The following PARD3B variants were observed in gnomAD, a reference collection of about 807,000 sequenced individuals.
The protein encoded by PARD3B is partitioning defective 3 homolog B.
PARD3B carries 103 observed loss-of-function variants against 130.2 expected under a neutral mutation model. The observed-to-expected ratio is 0.79, with a 90% CI of 0.67 to 0.93. The LOEUF is 0.93. PARD3B is among the 40% of genes least tolerant of loss of function. The pLI is 0.00. For missense variants in PARD3B, 1,609 were observed against 1,499.2 expected (o/e 1.07, Z -1.21); for synonymous variants, 583 against 553.2 (o/e 1.05, Z -0.76).
At chr2:205,017,181 G>A (rs756012889) in intron 3 of PARD3B, among the ~76,000 whole-genome samples, 1 of 152,114 alleles carries the variant, frequency 6.6e-6, no homozygotes, top group Non-Finnish European at 1.5e-5. Context: ...TGTCTGGCCT[G>A]TAGATATGTA....
intron 1 of PARD3B, among the ~76,000 whole-genome samples, chr2:204,650,200 A>G (rs758252486): frequency 1.3e-5 from 2 of 152,194 alleles, no homozygotes; most frequent in Admixed American, 6.5e-5. Context: ...CCACAATGAG[A>G]TACCACCTCA....
intron 1 of PARD3B, among the ~76,000 whole-genome samples, chr2:204,601,466 T>C (rs2125105660): frequency 6.6e-6 from 1 of 152,148 alleles, no homozygotes; most frequent in Admixed American, 6.5e-5. Flanking sequence ...TTAGAATTCC[T>C]CATCAAATTT....
intron 2 of PARD3B, among the ~76,000 whole-genome samples, chr2:204,850,555 C>T (rs2044666647): frequency 6.6e-6 from 1 of 151,372 alleles, no homozygotes; most frequent in African/African-American, 2.4e-5. Context: ...ATGTAAAAGG[C>T]AGAGGCAGTT....
In PARD3B at chr2:205,585,360, T is replaced by C. The variant is rs1027505126; in HGVS notation, c.3261-30096T>C. ...CCACCCTGCTGGGGCTGGCTGTTTA[T>C]AATGGCTAAAAATGATGGAGTGTGA... On this transcript the variant is annotated intron_variant, in intron 22 of 22. Transcript: ENST00000406610. The surrounding 1 kb of genome is among the most constrained non-coding windows in gnomAD (Gnocchi z 5.4). Among the ~76,000 whole-genome samples the C allele has an allele frequency of 1.3e-5, 2 of 152,186 alleles. No homozygotes were observed. The highest frequency in any genetic ancestry group is 2.9e-5 in the Non-Finnish European group (2 of 68,032).
chr2:205,125,252 A>G lies in PARD3B; in HGVS notation c.1306-357A>G, dbSNP rs913445563. Among the ~76,000 whole-genome samples, 3 of 152,220 alleles carry G rather than the reference A, an allele frequency of 2.0e-5. No individual in the cohort carries two copies. The highest frequency in any genetic ancestry group is 1.5e-5 in the Non-Finnish European group (1 of 68,038). ...TTGCAGAGAAATTTGCCTTGTGATC[A>G]TGGTTCACTCTGCTTGTTGAATTAG... On this transcript the variant is annotated intron_variant, in intron 9 of 22. Transcript: ENST00000406610. This position sits in a 1 kb window ranked among gnomAD's most constrained non-coding sequence, Gnocchi z 4.0.
intron 4 of PARD3B, among the ~76,000 whole-genome samples, chr2:205,069,992 C>T (rs1272515083): frequency 1.3e-5 from 2 of 152,168 alleles, no homozygotes; most frequent in Non-Finnish European, 2.9e-5. Context: ...ATACCCCACC[C>T]TTGGCATGTT....
chr2:205,406,942 T>G (rs1175321244), intron 19 of PARD3B, among the ~76,000 whole-genome samples: 2 of 152,200 alleles, frequency 1.3e-5, no homozygotes, highest in Non-Finnish European at 2.9e-5. Context: ...GTGCTGGGAT[T>G]ACAGGCATAA....
At chr2:204,877,693 A>G (rs1306410935) in intron 2 of PARD3B, among the ~76,000 whole-genome samples, 1 of 152,138 alleles carries the variant, frequency 6.6e-6, no homozygotes, top group African/African-American at 2.4e-5. Flanking sequence ...ACAGGAAAAC[A>G]CTGGTAATTT....
intron 1 of PARD3B, among the ~76,000 whole-genome samples, chr2:204,590,539 G>A (rs2033031240): frequency 6.6e-6 from 1 of 152,170 alleles, no homozygotes; most frequent in South Asian, 2.1e-4. Flanking sequence ...TGGGCATATG[G>A]CAAGTGAGAT....
chr2:205,177,902 A>C (rs1377194778), intron 13 of PARD3B, among the ~76,000 whole-genome samples: 1 of 152,136 alleles, frequency 6.6e-6, no homozygotes, highest in East Asian at 1.9e-4. Context: ...TCTGGATTCA[A>C]TTCCTGTCTC....
At chr2:205,453,446 A>C (rs2048170997) in intron 20 of PARD3B, among the ~76,000 whole-genome samples, 1 of 152,186 alleles carries the variant, frequency 6.6e-6, no homozygotes, top group African/African-American at 2.4e-5. Context: ...AGCCCAAGGC[A>C]ATGGGGAACG....
At chr2:205,088,844 A>G (rs1474196942) in intron 4 of PARD3B, among the ~76,000 whole-genome samples, 7 of 148,590 alleles carry the variant, frequency 4.7e-5, no homozygotes, top group African/African-American at 1.7e-4. Flanking sequence ...GTCAGGCTGG[A>G]GTGTAGTGGC....
At chr2:204,948,371 A>T (rs919945787) in intron 2 of PARD3B, among the ~76,000 whole-genome samples, 1 of 152,232 alleles carries the variant, frequency 6.6e-6, no homozygotes, top group South Asian at 2.1e-4. Context: ...TTTTCTCCCC[A>T]TAAGCTAGAA....
intron 2 of PARD3B, among the ~76,000 whole-genome samples, chr2:204,964,388 G>GA (rs1691031742): frequency 6.6e-6 from 1 of 151,954 alleles, no homozygotes; most frequent in South Asian, 2.1e-4. Context: ...TTATTTTAAG[G>GA]AAAAAATGAC....
intron 4 of PARD3B, among the ~76,000 whole-genome samples, chr2:205,066,846 A>T (rs1700410652): frequency 6.6e-6 from 1 of 152,074 alleles, no homozygotes; most frequent in Non-Finnish European, 1.5e-5. Context: ...TCATCTAAGT[A>T]ACTTTTATTT....
intron 22 of PARD3B, among the ~76,000 whole-genome samples, chr2:205,566,379 G>GTGA (rs1484755861): frequency 6.6e-6 from 1 of 152,162 alleles, no homozygotes; most frequent in Non-Finnish European, 1.5e-5. Context: ...ATGTACCAGG[G>GTGA]TGATGGTGAT....
At chr2:205,238,219 T>G (rs1410535931) in intron 15 of PARD3B, among the ~76,000 whole-genome samples, 2 of 152,206 alleles carry the variant, frequency 1.3e-5, no homozygotes, top group Non-Finnish European at 2.9e-5. Context: ...AACAGACCCG[T>G]GCACAAATAA....
rs1440262629 is a variant in PARD3B at position 204,887,427 on chromosome 2, C to G, written c.223-77725C>G. Among the ~76,000 whole-genome samples the G allele has an allele frequency of 6.6e-6, 1 of 152,162 alleles. No individual in the cohort carries two copies. The highest frequency in any genetic ancestry group is 1.5e-5 in the Non-Finnish European group (1 of 68,032). On this transcript the variant is annotated intron_variant, in intron 2 of 22. Coordinates refer to ENST00000406610, the MANE Select transcript of PARD3B (RefSeq NM_001302769.2). This position sits in a 1 kb window ranked among gnomAD's most constrained non-coding sequence, Gnocchi z 4.2. ...CAGGGAAATGGTGATAGCTGTTCAT[C>G]CAGACTGCAGCCCAGTCACTTTCGA...
intron 16 of PARD3B, among the ~76,000 whole-genome samples, chr2:205,247,246 C>T (rs1050378057): frequency 6.6e-6 from 1 of 152,134 alleles, no homozygotes; most frequent in African/African-American, 2.4e-5. Flanking sequence ...ACCTTAATTT[C>T]CAAGCACACT....
Sources: gnomAD v4.1 joint callset for allele counts (sites outside exome capture counted in the v4.1 genomes callset) on GRCh38, gnomAD v4.1.1 for gene constraint, Gnocchi (gnomAD v3.1) non-coding constraint, MANE v1.5 for transcripts, NCBI Gene and HGNC (gene_info 2026-07-23, HGNC 2026-07-21) for gene names.